The following PAX5 variants were observed in gnomAD, a reference collection of about 807,000 sequenced individuals.
The protein encoded by PAX5 is paired box protein Pax-5.
Under a neutral mutation model 43.7 loss-of-function variants are expected in PAX5, and 9 were observed. The ratio of observed to expected loss-of-function variants is 0.21; its 90% confidence interval spans 0.12 to 0.36. The LOEUF (loss-of-function observed/expected upper bound fraction) is 0.36, where lower values mean the gene tolerates loss of function less well. PAX5 is among the 10% of genes least tolerant of loss of function. PAX5 has a pLI of 1.00. For missense variants in PAX5, 383 were observed against 532.7 expected, an observed-to-expected ratio of 0.72 and a Z score of 2.77; for synonymous variants, 228 against 214.3, an observed-to-expected ratio of 1.06 and a Z score of -0.56.
intron 8 of PAX5, among the ~76,000 whole-genome samples, chr9:36,856,893 G>C (rs938562328): frequency 1.3e-5 from 2 of 152,102 alleles, no homozygotes; most frequent in Admixed American, 6.5e-5. Flanking sequence ...GCATCCATTT[G>C]GCCACTGGCA....
At chr9:36,972,928 T>C (rs1484062211) in intron 5 of PAX5, among the ~76,000 whole-genome samples, 1 of 151,500 alleles carries the variant, frequency 6.6e-6, no homozygotes, top group Non-Finnish European at 1.5e-5. Context: ...CTCAGGAGGC[T>C]GAGGCACGAG....
chr9:36,988,747 T>C (rs1836687622), intron 5 of PAX5, among the ~76,000 whole-genome samples: 1 of 151,944 alleles, frequency 6.6e-6, no homozygotes, highest in Non-Finnish European at 1.5e-5. Context: ...CGAGATCTTT[T>C]TGAGGAATCT....
intron 5 of PAX5, among the ~76,000 whole-genome samples, chr9:36,977,564 T>TGTC (rs1835549818): frequency 6.6e-6 from 1 of 152,144 alleles, no homozygotes; most frequent in South Asian, 2.1e-4. Context: ...AGTCTCACCC[T>TGTC]GTCATCCAGG....
chr9:37,027,770 TC>T (rs1309163183), intron 1 of PAX5, among the ~76,000 whole-genome samples: 1 of 152,174 alleles, frequency 6.6e-6, no homozygotes, highest in African/African-American at 2.4e-5. Context: ...CCAATCACGC[TC>T]CACCAAGCCA....
At chr9:36,874,732 A>G (rs996714490) in intron 8 of PAX5, among the ~76,000 whole-genome samples, 4 of 152,052 alleles carry the variant, frequency 2.6e-5, no homozygotes, top group Admixed American at 2.6e-4. Flanking sequence ...ATTCTTCTCT[A>G]GTTGGCTTTC....
intron 7 of PAX5, among the ~76,000 whole-genome samples, chr9:36,912,098 C>T (rs926581259): frequency 6.6e-6 from 1 of 152,252 alleles, no homozygotes; most frequent in East Asian, 1.9e-4. Flanking sequence ...TCCAAGACTC[C>T]ACCACCTTCT....
chr9:36,920,410 G>A (rs778862797), intron 7 of PAX5, among the ~76,000 whole-genome samples: 4 of 152,194 alleles, frequency 2.6e-5, no homozygotes, highest in South Asian at 2.1e-4. Flanking sequence ...AGCAACCACC[G>A]TCCTGATCAG....
chr9:37,012,002 T>C (rs1263194905), intron 3 of PAX5, among the ~76,000 whole-genome samples: 3 of 152,158 alleles, frequency 2.0e-5, no homozygotes, highest in African/African-American at 4.8e-5. Flanking sequence ...GGGATGGCTC[T>C]GGCTTTGGGG....
chr9:36,978,465 A>G (rs1308310133), intron 5 of PAX5, among the ~76,000 whole-genome samples: 1 of 152,100 alleles, frequency 6.6e-6, no homozygotes, highest in Non-Finnish European at 1.5e-5. Flanking sequence ...TATGGCCTTC[A>G]TGCACACAGC....
chr9:36,883,325 A>ATAAAAATC (rs933034060), intron 7 of PAX5, among the ~76,000 whole-genome samples: 2 of 152,218 alleles, frequency 1.3e-5, no homozygotes, highest in African/African-American at 4.8e-5. Flanking sequence ...AAGAAGCCAG[A>ATAAAAATC]TAAAAATCTA....
intron 6 of PAX5, among the ~76,000 whole-genome samples, chr9:36,948,858 C>T (rs1199519252): frequency 2.0e-5 from 3 of 152,054 alleles, no homozygotes; most frequent in Non-Finnish European, 2.9e-5. Flanking sequence ...GCCCTACCCA[C>T]CTGAGCTTTC....
chr9:37,014,212 A>G (rs1169391315), intron 3 of PAX5, among the ~76,000 whole-genome samples: 3 of 152,142 alleles, frequency 2.0e-5, no homozygotes, highest in Non-Finnish European at 4.4e-5. Context: ...AAGCTCTGAG[A>G]GCGCCCTTCC....
intron 7 of PAX5, among the ~76,000 whole-genome samples, chr9:36,888,799 G>C (rs1408786034): frequency 6.6e-6 from 1 of 152,186 alleles, no homozygotes; most frequent in Non-Finnish European, 1.5e-5. Flanking sequence ...GCAGGCTTGA[G>C]GGGGCATGAA....
At position 36,859,959 on chromosome 9, in the gene PAX5, C is replaced by T. The variant is rs540724056; in HGVS notation, c.1013-13030G>A. Among the ~76,000 whole-genome samples the T allele has an allele frequency of 1.3e-4, 19 of 151,346 alleles. No individual in the cohort carries two copies. The East Asian group carries it at 2.1e-3, about 17-fold the overall frequency. ...CTGAGGCAGGAGAATGGTGTGAACC[C>T]GGGAGGTGGAGCTTGCAGTTAGCTG... is the stretch of plus-strand genomic sequence containing the variant. On this transcript the variant is annotated intron_variant, in intron 8 of 9. Transcript: ENST00000358127.
intron 8 of PAX5, among the ~76,000 whole-genome samples, chr9:36,850,919 G>C (rs1168254358): frequency 6.6e-6 from 1 of 152,204 alleles, no homozygotes; most frequent in African/African-American, 2.4e-5. Flanking sequence ...AGCCTCATGG[G>C]ACTGGGCCTG....
At chr9:36,957,956 C>A (rs1165061794) in intron 6 of PAX5, among the ~76,000 whole-genome samples, 1 of 152,138 alleles carries the variant, frequency 6.6e-6, no homozygotes, top group Non-Finnish European at 1.5e-5. Context: ...GACATTTTCC[C>A]AGGGGTACCC....
intron 4 of PAX5, among the ~76,000 whole-genome samples, chr9:37,005,525 T>C (rs1838315998): frequency 6.6e-6 from 1 of 152,110 alleles, no homozygotes; most frequent in South Asian, 2.1e-4. Flanking sequence ...CTCAGGGAGG[T>C]GAGAGAACTT....
intron 8 of PAX5, among the ~76,000 whole-genome samples, chr9:36,878,359 G>A (rs1044850932): frequency 9.2e-5 from 14 of 152,244 alleles, no homozygotes; most frequent in Admixed American, 2.6e-4. Context: ...AGTGATGGAC[G>A]TGGCGTAGGG....
chr9:36,900,329 C>T (rs1344525577), intron 7 of PAX5, among the ~76,000 whole-genome samples: 1 of 152,176 alleles, frequency 6.6e-6, no homozygotes, highest in Non-Finnish European at 1.5e-5. Context: ...TGGTGACATC[C>T]GGTGTCCAGC....
Sources: allele counts gnomAD v4.1 joint callset (sites outside exome capture counted in the v4.1 genomes callset), GRCh38; gene constraint gnomAD v4.1.1; transcripts MANE v1.5; gene names NCBI Gene and HGNC (gene_info 2026-07-23, HGNC 2026-07-21).